Variants in PEX5 observed in about 807,000 individuals in gnomAD.
PEX5 encodes the protein peroxisomal biogenesis factor 5.
Under a neutral mutation model 82.9 loss-of-function variants are expected in PEX5, and 52 were observed. That is an observed-to-expected ratio of 0.63 (90% CI 0.50 to 0.79). PEX5 has a LOEUF of 0.79. Ranked by LOEUF, PEX5 falls within the 30% of genes least tolerant of loss-of-function variation. The pLI is 0.00. For missense variants in PEX5, 719 were observed against 815.2 expected, an observed-to-expected ratio of 0.88 and a Z score of 1.44; for synonymous variants, 300 against 318.8, an observed-to-expected ratio of 0.94 and a Z score of 0.63.
At chr12:7,190,111 T>G in intron 1 of PEX5, 1 of 1,486,270 alleles carries the variant, frequency 6.7e-7, no homozygotes, top group African/African-American at 1.4e-5. Flanking sequence ...CCCCAGCCCA[T>G]GGGACCGTAG....
intron 2 of PEX5, 153 bp from the exon 3 acceptor site, chr12:7,190,731 TACTG>T (rs983534395): frequency 1.1e-5 from 15 of 1,329,840 alleles, no homozygotes; most frequent in African/African-American, 5.8e-5. Context: ...AGTTACCACT[TACTG>T]AGCGTTTATA....
At chr12:7,209,932 G>T in intron 15 of PEX5, 90 bp from the exon 16 acceptor site, 1 of 1,594,554 alleles carries the variant, frequency 6.3e-7, no homozygotes, top group Non-Finnish European at 8.6e-7. Flanking sequence ...TGACTAACCA[G>T]CCCTAGCTTT....
At position 7,203,181 on chromosome 12, in the gene PEX5, ATG is replaced by A. The variant is rs1354864264; in HGVS notation, c.847-250_847-249del. ...CTCAAACAAAAAACTAAACTAAACTATGCACTGCACTGCACTGCACTGCACTG... is the reference window on the plus strand; with the variant it reads ...CTCAAACAAAAAACTAAACTAAACTACACTGCACTGCACTGCACTGCACTG... On this transcript the variant is annotated intron_variant, in intron 9 of 15. Coordinates refer to ENST00000675855, the MANE Select transcript of PEX5 (RefSeq NM_001351132.2). Among the ~76,000 whole-genome samples, 39 of 82,646 alleles carry A rather than the reference ATG, an allele frequency of 4.7e-4. 6 individuals are homozygous for A. Among genetic ancestry groups the A allele is most frequent in the South Asian group, 1.2e-3 (3 of 2,586 alleles). 54.2% of individuals were successfully genotyped at this position (82,646 alleles called of 152,430 possible). A position where few individuals can be genotyped will look rare whatever the true frequency, so the allele number is the denominator to read the frequency against.
intron 6 of PEX5, among the ~76,000 whole-genome samples, chr12:7,199,358 G>A (rs764313277): frequency 4.0e-5 from 6 of 151,024 alleles, no homozygotes; most frequent in South Asian, 2.1e-4. Context: ...GCGGCCTTCC[G>A]CAGTGTTTGT....
chr12:7,207,621 C>T, intron 10 of PEX5, 38 bp from the exon 11 acceptor site: 2 of 1,610,562 alleles, frequency 1.2e-6, no homozygotes, highest in Non-Finnish European at 1.7e-6. Context: ...TCTGACGGTG[C>T]CACCTCTCAG....
chr12:7,209,107 C>T lies in PEX5; in HGVS notation c.1497C>T (p.Asn499=). Residue 499 remains asparagine, a synonymous_variant, in exon 14 of 16, where the codon AAC becomes AAT. Coordinates refer to ENST00000675855, the MANE Select transcript of PEX5 (RefSeq NM_001351132.2). The stretch of plus-strand genomic sequence containing the variant: ...AGTGTGGCTTGGGAGTCCTTTTCAA[C>T]CTGAGTGGGGAGTATGACAAGGCCG... ...DVQCGLGVLF[N]LSGEYDKAVD... is the part of the protein sequence containing the mutation. 3 of 1,614,062 alleles carry T rather than the reference C, an allele frequency of 1.9e-6. No individual in the cohort carries two copies. Among genetic ancestry groups the T allele is most frequent in the Non-Finnish European group, 2.5e-6 (3 of 1,180,008 alleles).
rs766739956 is a variant in PEX5, at chr12:7,199,155, T to TG, written c.551+44dup. 38 of 1,125,132 alleles carry TG rather than the reference T, an allele frequency of 3.4e-5. No homozygotes were observed. The Middle Eastern group carries it at 8.1e-4, about 24-fold the overall frequency. The allele number at this position is 1,125,132 out of a possible 1,614,324, so 69.7% of individuals were successfully genotyped here. Reference sequence around the variant, plus strand: ...CTTTCCGAATCCCGTGAAAGGAGTATGGACAGTTTTCCCAGCCTCCTCCAT... The same window carrying TG: ...CTTTCCGAATCCCGTGAAAGGAGTATGGGACAGTTTTCCCAGCCTCCTCCAT... On this transcript the variant is annotated intron_variant, in intron 6 of 15. Coordinates refer to ENST00000675855, the MANE Select transcript of PEX5 (RefSeq NM_001351132.2).
intron 7 of PEX5, 193 bp downstream of exon 7, chr12:7,202,034 AACTC>A (rs1944131340): frequency 6.2e-6 from 5 of 802,130 alleles, no homozygotes; most frequent in Non-Finnish European, 1.0e-5. Context: ...CTTGCCTACT[AACTC>A]TTTTTTCTGA....
chr12:7,203,019 G>A (rs1416773170), intron 9 of PEX5, among the ~76,000 whole-genome samples: 7 of 152,040 alleles, frequency 4.6e-5, no homozygotes, highest in Non-Finnish European at 5.9e-5. Context: ...TTAGCGTGGT[G>A]TGTTGGCGCA....
rs756266485 is a variant in PEX5, at chr12:7,191,905, G to A, written c.448+205G>A. On this transcript the variant is annotated intron_variant, in intron 5 of 15. Coordinates refer to ENST00000675855, the MANE Select transcript of PEX5 (RefSeq NM_001351132.2). ...AGGACTGGGTTTGTACTGGATAAGA[G>A]ATTTTGGATAGAGAGAACGAAGAGT... is the stretch of plus-strand genomic sequence containing the variant. Among the ~76,000 whole-genome samples the A allele has an allele frequency of 1.8e-4, 28 of 152,358 alleles. No homozygotes were observed. The East Asian group carries it at 5.4e-3, about 29-fold the overall frequency.
downstream of PEX5, chr12:7,211,536 AC>A (rs1436847079): frequency 2.0e-5 from 3 of 152,214 alleles, no homozygotes; most frequent in African/African-American, 7.2e-5. Flanking sequence ...CGTTTGGAGG[AC>A]TGGGATTCAA....
intron 17 of PEX5, among the ~76,000 whole-genome samples, chr12:7,218,076 T>C (rs1945829883): frequency 6.6e-6 from 1 of 152,052 alleles, no homozygotes; most frequent in Admixed American, 6.6e-5. Context: ...TGTGAAGAAA[T>C]AGACTCCATC....
rs1451649331 is a variant in PEX5 at position 7,209,160 on chromosome 12, T to C, written c.1550T>C (p.Val517Ala). ...GACTGCTTCACAGCTGCCCTCAGCG[T>C]TCGTCCCAATGTGAGCCCAGGGGAG... ...AVDCFTAALS[V>A]RPNDYLLWNK... The change falls in exon 14 of 16, where the codon GTT becomes GCT. Residue 517 changes from valine to alanine, a missense_variant. Transcript: ENST00000675855. 6.2e-7 allele frequency: 1 copy of C among 1,613,770 alleles called. No individual in the cohort carries two copies. The highest frequency in any genetic ancestry group is 8.5e-7 in the Non-Finnish European group (1 of 1,180,002).
At chr12:7,191,801 C>T in intron 5 of PEX5, 101 bp downstream of exon 5, 1 of 1,131,842 alleles carries the variant, frequency 8.8e-7, no homozygotes, top group South Asian at 1.2e-5. Context: ...TTTCTGGTCT[C>T]ATGACTCATT....
chr12:7,190,147 G>T, intron 1 of PEX5: 1 of 1,487,442 alleles, frequency 6.7e-7, no homozygotes, highest in South Asian at 1.3e-5. Flanking sequence ...CAGAGGCGCA[G>T]GCTGGAAGCG....
chr12:7,189,809 C>A, intron 1 of PEX5, 59 bp downstream of exon 1: 2 of 820,432 alleles, frequency 2.4e-6, no homozygotes, highest in Non-Finnish European at 3.4e-6. Flanking sequence ...CCCACCCTTG[C>A]GGTGGCCTCG....
At chr12:7,190,966 C>T (rs774052507) in intron 3 of PEX5, 43 bp downstream of exon 3, 3 of 1,580,010 alleles carry the variant, frequency 1.9e-6, no homozygotes, top group South Asian at 1.1e-5. Context: ...TTCTCTTGCC[C>T]ACTGTGTTTT....
At chr12:7,197,874 C>G (rs1160700737) in intron 5 of PEX5, among the ~76,000 whole-genome samples, 1 of 152,238 alleles carries the variant, frequency 6.6e-6, no homozygotes, top group East Asian at 1.9e-4. Context: ...GTGGAGTTCC[C>G]CCTTGGGAAC....
intron 5 of PEX5, among the ~76,000 whole-genome samples, chr12:7,196,302 C>G (rs1448289956): frequency 2.3e-5 from 1 of 44,430 alleles, no homozygotes; most frequent in African/African-American, 7.8e-5. Flanking sequence ...AATTATATGT[C>G]ATATATAATT....
Sources: allele counts gnomAD v4.1 joint callset (sites outside exome capture counted in the v4.1 genomes callset), GRCh38; gene constraint gnomAD v4.1.1; transcripts MANE v1.5; gene names NCBI Gene and HGNC (gene_info 2026-07-23, HGNC 2026-07-21).